Variants in SNX29 observed in about 807,000 individuals in gnomAD.
SNX29 encodes the protein sorting nexin-29.
In SNX29, 78 loss-of-function variants were observed where a neutral mutation model predicts 102.1. The ratio of observed to expected loss-of-function variants is 0.76; its 90% confidence interval spans 0.64 to 0.92. SNX29 has a LOEUF of 0.92. Ranked by LOEUF, SNX29 falls within the 40% of genes least tolerant of loss-of-function variation. The pLI is 0.00. For synonymous variants in SNX29, 580 were observed against 414.5 expected, an observed-to-expected ratio of 1.40 and a Z score of -4.85; for missense variants, 1,280 against 1,061.7, an observed-to-expected ratio of 1.21 and a Z score of -2.86.
chr16:12,394,154 G>C (rs1177294671), intron 16 of SNX29, among the ~76,000 whole-genome samples: 1 of 152,188 alleles, frequency 6.6e-6, no homozygotes, highest in Non-Finnish European at 1.5e-5. Flanking sequence ...GGAGGCTCAA[G>C]GTTTTAGACC....
chr16:12,114,895 C>T (rs1030680718), intron 11 of SNX29, among the ~76,000 whole-genome samples: 5 of 152,164 alleles, frequency 3.3e-5, no homozygotes, highest in Admixed American at 2.6e-4. Flanking sequence ...TGATTCTAAA[C>T]ACCTGCTTCG....
chr16:12,389,637 T>TA (rs201726773), intron 16 of SNX29, among the ~76,000 whole-genome samples: 227 of 150,624 alleles, frequency 1.5e-3, no homozygotes, highest in African/African-American at 4.6e-3. Flanking sequence ...TTTCTAAACT[T>TA]AAAAAAAAAA....
chr16:12,382,906 C>T (rs542457129), intron 16 of SNX29, among the ~76,000 whole-genome samples: 3 of 152,198 alleles, frequency 2.0e-5, no homozygotes, highest in South Asian at 2.1e-4. Context: ...TTAGGGCCTA[C>T]CTGGATAATC....
At chr16:12,365,459 G>A (rs1225705899) in intron 16 of SNX29, among the ~76,000 whole-genome samples, 1 of 151,644 alleles carries the variant, frequency 6.6e-6, no homozygotes, top group Non-Finnish European at 1.5e-5. Context: ...GGAGGCCGAG[G>A]CAGGAGGATC....
intron 11 of SNX29, chr16:12,094,976 CAT>C (rs923709153): frequency 1.4e-4 from 22 of 152,114 alleles, no homozygotes; most frequent in African/African-American, 5.1e-4. Context: ...TGTGCGCATG[CAT>C]GTGTGTGTGT....
At chr16:12,078,973 A>C (rs2051728922) in intron 11 of SNX29, 58 bp downstream of exon 11, 1 of 1,441,308 alleles carries the variant, frequency 6.9e-7, no homozygotes, top group Non-Finnish European at 9.5e-7. Flanking sequence ...CCCACGTCTC[A>C]TGGCGGTGCC....
chr16:12,388,402 C>T (rs2083408745), intron 16 of SNX29, among the ~76,000 whole-genome samples: 1 of 152,208 alleles, frequency 6.6e-6, no homozygotes, highest in African/African-American at 2.4e-5. Context: ...CCAGGGGCCT[C>T]TTTTGATTCT....
intron 18 of SNX29, among the ~76,000 whole-genome samples, chr16:12,467,444 A>G (rs1162314438): frequency 6.6e-6 from 1 of 152,130 alleles, no homozygotes; most frequent in East Asian, 1.9e-4. Context: ...ATTGTATTTG[A>G]CATGTATCCA....
intron 14 of SNX29, among the ~76,000 whole-genome samples, chr16:12,277,275 C>T (rs1019583456): frequency 1.3e-5 from 2 of 152,058 alleles, no homozygotes; most frequent in Non-Finnish European, 2.9e-5. Context: ...AGGGTTATGC[C>T]TACAGTCCCA....
At chr16:12,233,692 G>C (rs566461489) in intron 14 of SNX29, among the ~76,000 whole-genome samples, 1 of 152,104 alleles carries the variant, frequency 6.6e-6, no homozygotes, top group Non-Finnish European at 1.5e-5. Flanking sequence ...TATATTCATA[G>C]AGTTGTGCAT....
intron 20 of SNX29, among the ~76,000 whole-genome samples, chr16:12,544,575 C>T (rs1453825443): frequency 6.6e-6 from 1 of 152,198 alleles, no homozygotes; most frequent in African/African-American, 2.4e-5. Context: ...ATTCATTGTT[C>T]TGCAGGCATT....
chr16:12,457,797 T>C (rs572591301), intron 18 of SNX29, among the ~76,000 whole-genome samples: 3 of 152,310 alleles, frequency 2.0e-5, no homozygotes, highest in African/African-American at 7.2e-5. Flanking sequence ...CTTACGGGCA[T>C]TGTTATGAGA....
rs762635503 is a variant in SNX29, at chr16:12,572,772, A to AC, written c.*4147dup. On this transcript the variant is annotated 3_prime_UTR_variant, in exon 21 of 21. Transcript: ENST00000566228. ...TTTCAGCTTCTGGGACCCGAGGAAG[A>AC]CCCCACCTCACTCCTCCTTCCCCAG... The AC allele has an allele frequency of 9.4e-6, 10 of 1,063,684 alleles. No homozygotes were observed. Among genetic ancestry groups the AC allele is most frequent in the Non-Finnish European group, 1.1e-5 (10 of 878,314 alleles). 65.9% of individuals were successfully genotyped at this position (1,063,684 alleles called of 1,614,324 possible).
chr16:12,072,110 C>G (rs2151311315), intron 10 of SNX29, among the ~76,000 whole-genome samples: 1 of 152,308 alleles, frequency 6.6e-6, no homozygotes, highest in Non-Finnish European at 1.5e-5. Context: ...ACATCGTCTG[C>G]AAACAGGGAC....
chr16:12,055,297 G>A lies in SNX29; in HGVS notation c.1124+3075G>A, dbSNP rs534820217. Among the ~76,000 whole-genome samples, 13 of 148,208 alleles carry A rather than the reference G, an allele frequency of 8.8e-5. No individual in the cohort carries two copies. In the South Asian group the frequency reaches 2.7e-3, roughly 31 times the overall value. ...CACCTAGGCTGGAGTACGGTGGCAC[G>A]ATCTCAGCTCACTGCAACCTTTGTC... On this transcript the variant is annotated intron_variant, in intron 8 of 20. Transcript: ENST00000566228.
In SNX29 at chr16:12,573,633, C is replaced by G. The variant is rs1293639803; in HGVS notation, c.*5004C>G. 9.0e-6 allele frequency: 2 copies of G among 221,364 alleles called. No individual in the cohort carries two copies. The highest frequency in any genetic ancestry group is 1.8e-4 in the South Asian group (1 of 5,432). The allele number at this position is 221,364 out of a possible 1,614,324, so 13.7% of individuals were successfully genotyped here. Reference sequence around the variant, plus strand: ...CTCTGCCGCTGGTCTCCATGAACGGCAAGGGGAACCACCACTCATTCACTG... The same window carrying G: ...CTCTGCCGCTGGTCTCCATGAACGGGAAGGGGAACCACCACTCATTCACTG... On this transcript the variant is annotated 3_prime_UTR_variant, in exon 21 of 21. Coordinates refer to ENST00000566228, the MANE Select transcript of SNX29 (RefSeq NM_032167.5).
intron 20 of SNX29, among the ~76,000 whole-genome samples, chr16:12,542,152 G>A (rs1284842188): frequency 6.6e-6 from 1 of 152,064 alleles, no homozygotes; most frequent in Non-Finnish European, 1.5e-5. Flanking sequence ...ACGCTACCTG[G>A]GCTCCTGCTG....
At chr16:12,486,186 C>T (rs778686792) in intron 19 of SNX29, among the ~76,000 whole-genome samples, 5 of 152,200 alleles carry the variant, frequency 3.3e-5, no homozygotes, top group Non-Finnish European at 7.4e-5. Flanking sequence ...GCCTCTCTCC[C>T]ACCATTCTTC....
At chr16:12,281,634 A>G (rs907939174) in intron 15 of SNX29, among the ~76,000 whole-genome samples, 5 of 152,198 alleles carry the variant, frequency 3.3e-5, no homozygotes, top group Non-Finnish European at 7.3e-5. Context: ...TGTTAGATCC[A>G]GGCACTGTGC....
Sources: gnomAD v4.1 joint callset for allele counts (sites outside exome capture counted in the v4.1 genomes callset) on GRCh38, gnomAD v4.1.1 for gene constraint, MANE v1.5 for transcripts, NCBI Gene and HGNC (gene_info 2026-07-23, HGNC 2026-07-21) for gene names.